The following KLF12 variants were observed in gnomAD, a reference collection of about 807,000 sequenced individuals.
KLF12 encodes the protein Krueppel-like factor 12.
Under a neutral mutation model 37.8 loss-of-function variants are expected in KLF12, and 9 were observed. The ratio of observed to expected loss-of-function variants is 0.24; its 90% CI spans 0.14 to 0.42. The LOEUF is 0.42. Ranked by LOEUF, KLF12 falls within the 10% of genes least tolerant of loss-of-function variation. The probability of loss-of-function intolerance (pLI) is 1.00; values close to 1 mark genes in which losing one functional copy is unlikely to be tolerated. For missense variants in KLF12, 411 were observed against 516.0 expected (o/e 0.80, Z 1.97); for synonymous variants, 208 against 202.1 (o/e 1.03, Z -0.25).
At chr13:74,008,740 C>T (rs971682078) in intron 1 of KLF12, among the ~76,000 whole-genome samples, 2 of 152,150 alleles carry the variant, frequency 1.3e-5, no homozygotes, top group Admixed American at 6.5e-5. Flanking sequence ...ATATTTTGTA[C>T]ATGCACAAGT....
intron 3 of KLF12, among the ~76,000 whole-genome samples, chr13:73,855,697 C>A (rs774285982): frequency 1.1e-4 from 17 of 152,174 alleles, no homozygotes; most frequent in Admixed American, 1.0e-3. Flanking sequence ...GACTAATTTA[C>A]ATTCCCAACC....
At chr13:74,215,741 C>T in the KLF12 span, among the ~76,000 whole-genome samples, 1 of 152,204 alleles carries the variant, frequency 6.6e-6, no homozygotes, top group East Asian at 1.9e-4. Context: ...AAGTATTCCT[C>T]CTCCAGTCCT....
At chr13:74,111,154 A>G (rs910821605) in intron 1 of KLF12, among the ~76,000 whole-genome samples, 108 of 146,722 alleles carry the variant, frequency 7.4e-4, no homozygotes, top group African/African-American at 2.5e-3. Flanking sequence ...CTATGTCTCA[A>G]AAAAAAAAAA....
intron 2 of KLF12, among the ~76,000 whole-genome samples, chr13:73,983,692 TA>T (rs1891747374): frequency 6.6e-6 from 1 of 152,196 alleles, no homozygotes; most frequent in Non-Finnish European, 1.5e-5. Flanking sequence ...TTCTCTTTCC[TA>T]AACTCTCAAT....
intron 6 of KLF12, among the ~76,000 whole-genome samples, chr13:73,757,523 T>C (rs996089488): frequency 3.3e-5 from 5 of 152,124 alleles, no homozygotes; most frequent in Non-Finnish European, 7.4e-5. Context: ...GGTAAGAATA[T>C]GTTTGATTTT....
At chr13:74,158,974 G>A in the KLF12 span, among the ~76,000 whole-genome samples, 628 of 152,290 alleles carry the variant, frequency 4.1e-3, 6 homozygotes, top group African/African-American at 0.014. Context: ...GGTTCAATGA[G>A]CATGTGCGCC....
chr13:73,865,591 T>C (rs1886133633), intron 3 of KLF12, among the ~76,000 whole-genome samples: 1 of 152,144 alleles, frequency 6.6e-6, no homozygotes, highest in Non-Finnish European at 1.5e-5. Flanking sequence ...AATTACAAAA[T>C]ATTTCAGAAT....
chr13:74,161,885 T>C, the KLF12 span, among the ~76,000 whole-genome samples: 3 of 152,226 alleles, frequency 2.0e-5, no homozygotes, highest in African/African-American at 4.8e-5. Flanking sequence ...GGGAATCATA[T>C]GAAATGCTCA....
At chr13:73,964,505 C>T in intron 2 of KLF12, among the ~76,000 whole-genome samples, 1 of 151,684 alleles carries the variant, frequency 6.6e-6, no homozygotes, top group Non-Finnish European at 1.5e-5. Flanking sequence ...CACGGTGGCT[C>T]ATGCCTGTAA....
chr13:73,767,813 C>T (rs1880016038), intron 5 of KLF12, among the ~76,000 whole-genome samples: 1 of 152,170 alleles, frequency 6.6e-6, no homozygotes, highest in African/African-American at 2.4e-5. Flanking sequence ...ACCTGACTCT[C>T]AAAACCTTGC....
intron 2 of KLF12, among the ~76,000 whole-genome samples, chr13:73,977,921 A>C (rs1891581692): frequency 6.6e-6 from 1 of 152,226 alleles, no homozygotes; most frequent in African/African-American, 2.4e-5. Flanking sequence ...ATCCATGTGC[A>C]AAAAACTAAA....
rs902677474 is a variant in KLF12 at position 73,730,151 on chromosome 13, A to G, written c.870-14626T>C. Among the ~76,000 whole-genome samples the G allele has an allele frequency of 3.3e-5, 5 of 152,064 alleles. No individual in the cohort carries two copies. The East Asian group carries it at 5.8e-4, about 18-fold the overall frequency. ...GCCGAGGGACTCCTGGAGCTTCACT[A>G]TCTTTGCCCGGTGCTCCTTCTGTCT... On this transcript the variant is annotated intron_variant, in intron 6 of 7. Coordinates refer to ENST00000377669, the MANE Select transcript of KLF12 (RefSeq NM_007249.5).
chr13:74,135,484 G>A (rs1012853252), upstream of KLF12, among the ~76,000 whole-genome samples: 2 of 151,960 alleles, frequency 1.3e-5, no homozygotes, highest in African/African-American at 2.4e-5. Context: ...GGCGGGAGAG[G>A]GAGGAGGCGG....
chr13:74,132,754 A>T (rs1202933093), intron 1 of KLF12, among the ~76,000 whole-genome samples: 2 of 152,228 alleles, frequency 1.3e-5, no homozygotes, highest in East Asian at 3.8e-4. Context: ...AGGAATTGGT[A>T]CTTTTTCCAA....
At chr13:74,150,851 G>A in the KLF12 span, among the ~76,000 whole-genome samples, 1 of 152,100 alleles carries the variant, frequency 6.6e-6, no homozygotes, top group African/African-American at 2.4e-5. Flanking sequence ...GTCCTGGGGT[G>A]GACAGGCCAG....
chr13:74,088,281 T>C (rs1207648658), intron 1 of KLF12, among the ~76,000 whole-genome samples: 3 of 152,116 alleles, frequency 2.0e-5, no homozygotes, highest in Non-Finnish European at 1.5e-5. Flanking sequence ...CTTTTTTTTT[T>C]TGAGACAGTC....
the KLF12 span, among the ~76,000 whole-genome samples, chr13:74,241,672 G>T: frequency 1.3e-5 from 2 of 148,598 alleles, no homozygotes; most frequent in African/African-American, 5.0e-5. Context: ...TTTTAAGCCC[G>T]TCGGAAAAGC....
intron 1 of KLF12, among the ~76,000 whole-genome samples, chr13:74,067,036 C>T (rs1873959058): frequency 6.6e-6 from 1 of 152,154 alleles, no homozygotes; most frequent in Non-Finnish European, 1.5e-5. Flanking sequence ...TAGCTAACTG[C>T]TTTTCAAAAA....
At chr13:74,173,374 G>A in the KLF12 span, among the ~76,000 whole-genome samples, 2 of 152,134 alleles carry the variant, frequency 1.3e-5, no homozygotes, top group African/African-American at 4.8e-5. Context: ...TTTTGGGCAT[G>A]CAGCTGGGCC....
Sources: allele counts gnomAD v4.1 joint callset (sites outside exome capture counted in the v4.1 genomes callset), GRCh38; gene constraint gnomAD v4.1.1; transcripts MANE v1.5; gene names NCBI Gene and HGNC (gene_info 2026-07-23, HGNC 2026-07-21).